CACNA1C: variants seen among roughly 807,000 people sequenced by gnomAD.
CACNA1C encodes voltage-dependent L-type calcium channel subunit alpha-1C.
CACNA1C carries 30 observed loss-of-function variants against 229.0 expected under a neutral mutation model. The observed-to-expected ratio is 0.13, with a 90% CI of 0.10 to 0.18. The LOEUF is 0.18. CACNA1C is among the 10% of genes least tolerant of loss of function. CACNA1C has a pLI of 1.00. For synonymous variants in CACNA1C, 1,114 were observed against 1,132.5 expected (o/e 0.98, Z 0.33); for missense variants, 1,658 against 2,845.0 (o/e 0.58, Z 9.49).
At chr12:2,281,382 T>A (rs1178646497) in intron 3 of CACNA1C, among the ~76,000 whole-genome samples, 1 of 151,992 alleles carries the variant, frequency 6.6e-6, no homozygotes, top group Non-Finnish European at 1.5e-5. Flanking sequence ...CCTTGATTCC[T>A]TTATGTAGAT....
At position 2,429,304 on chromosome 12, in the gene CACNA1C, T is replaced by C. The variant is rs1246321440; in HGVS notation, c.478-19672T>C. 3.3e-5 allele frequency among the ~76,000 whole-genome samples: 5 copies of C among 152,276 alleles called. 1 individual carries two copies. Among genetic ancestry groups the C allele is most frequent in the African/African-American group, 2.4e-5 (1 of 41,560 alleles). On this transcript the variant is annotated intron_variant, in intron 3 of 46. Coordinates refer to ENST00000399655, the MANE Select transcript of CACNA1C (RefSeq NM_000719.7). ...CCTGAGGTCTGGAAAAGACATGTAT[T>C]TGGGGAAGGGAGGATGCTGTTCAAC...
Position 1,971,240 on chromosome 12 carries a change from A to G in CACNA1C, c.139+39A>G. ...AAGTGAAATAAAGAGTAGGAAGAACATGTTGAAATTTACTCTAAATATCCT... is the reference window on the plus strand; with the variant it reads ...AAGTGAAATAAAGAGTAGGAAGAACGTGTTGAAATTTACTCTAAATATCCT... On this transcript the variant is annotated intron_variant, in intron 1 of 46. Coordinates refer to the CACNA1C transcript ENST00000682462. The surrounding 1 kb of genome is among the most constrained non-coding windows in gnomAD (Gnocchi z 4.2). 8.4e-7 allele frequency: 1 copy of G among 1,185,836 alleles called. No homozygotes were observed. Among genetic ancestry groups the G allele is most frequent in the Non-Finnish European group, 1.1e-6 (1 of 897,196 alleles). 73.5% of individuals were successfully genotyped at this position (1,185,836 alleles called of 1,614,324 possible).
chr12:2,521,902 A>G (rs2154580639), intron 9 of CACNA1C, among the ~76,000 whole-genome samples: 1 of 152,362 alleles, frequency 6.6e-6, no homozygotes, highest in Non-Finnish European at 1.5e-5. Context: ...CCATGGGTAC[A>G]GAATAAAGCC....
At chr12:2,509,194 C>T (rs187960844) in intron 8 of CACNA1C, among the ~76,000 whole-genome samples, 25 of 152,264 alleles carry the variant, frequency 1.6e-4, no homozygotes, top group Middle Eastern at 3.4e-3. Flanking sequence ...CAGGAAGTAT[C>T]GCTGGACCAT....
intron 5 of CACNA1C, among the ~76,000 whole-genome samples, chr12:2,470,613 GC>G (rs1473122139): frequency 6.6e-6 from 1 of 152,174 alleles, no homozygotes; most frequent in Non-Finnish European, 1.5e-5. Flanking sequence ...TTAGCTGTGT[GC>G]CTCGATTTCC....
chr12:2,685,857 C>T lies in CACNA1C; in HGVS notation c.5680+15C>T, dbSNP rs114036394. 3.1e-3 allele frequency: 4,913 copies of T among 1,574,522 alleles called. 60 individuals carry two copies. In the African/African-American group the frequency reaches 0.06, roughly 19 times the overall value. ...TGCCTCACTAGGTAAATGCACCGCT[C>T]GCTCTCTGGATGTGGTCGGCGGTTA... is the stretch of plus-strand genomic sequence containing the variant. On this transcript the variant is annotated intron_variant, in intron 44 of 46. Coordinates refer to ENST00000399655, the MANE Select transcript of CACNA1C (RefSeq NM_000719.7).
chr12:2,007,248 C>T lies in CACNA1C; in HGVS notation c.139+36047C>T, dbSNP rs142836377. 1.3e-5 allele frequency among the ~76,000 whole-genome samples: 2 copies of T among 152,294 alleles called. 1 individual carries two copies. Among genetic ancestry groups the T allele is most frequent in the African/African-American group, 4.8e-5 (2 of 41,558 alleles). ...TGTTTTTCTTTTGTCTGTTAAGTTCCATGATCCTTACACAGATCATTGTCC... is the reference window on the plus strand; with the variant it reads ...TGTTTTTCTTTTGTCTGTTAAGTTCTATGATCCTTACACAGATCATTGTCC... On this transcript the variant is annotated intron_variant, in intron 1 of 46. Transcript: ENST00000682462.
chr12:2,625,525 C>A (rs1194170683), intron 29 of CACNA1C, among the ~76,000 whole-genome samples: 6 of 152,156 alleles, frequency 3.9e-5, no homozygotes, highest in Non-Finnish European at 8.8e-5. Context: ...GTGACACAGG[C>A]TGCGGGCAGT....
chr12:2,417,598 G>C (rs1251033373), intron 3 of CACNA1C, among the ~76,000 whole-genome samples: 1 of 152,158 alleles, frequency 6.6e-6, no homozygotes. Context: ...CTGGCTGCAA[G>C]GTGGTCCAGG....
intron 3 of CACNA1C, among the ~76,000 whole-genome samples, chr12:2,371,424 G>A (rs1176146603): frequency 1.3e-5 from 2 of 152,160 alleles, no homozygotes; most frequent in African/African-American, 2.4e-5. Context: ...TTTGGCCATT[G>A]GTTTTCAACC....
intron 3 of CACNA1C, among the ~76,000 whole-genome samples, chr12:2,244,130 G>A (rs1396460014): frequency 6.6e-6 from 1 of 152,218 alleles, no homozygotes; most frequent in Non-Finnish European, 1.5e-5. Context: ...TGCTGCTCTT[G>A]GCTCAGATTC....
chr12:2,085,649 TG>T (rs1337261514), intron 1 of CACNA1C, among the ~76,000 whole-genome samples: 3 of 152,202 alleles, frequency 2.0e-5, no homozygotes, highest in Non-Finnish European at 4.4e-5. Context: ...TGATCCGTCT[TG>T]CCTATACAAC....
chr12:2,677,628 G>A lies in CACNA1C; in HGVS notation c.4957-105G>A. 7.6e-7 allele frequency: 1 copy of A among 1,311,834 alleles called. No individual in the cohort carries two copies. The highest frequency in any genetic ancestry group is 1.1e-6 in the Non-Finnish European group (1 of 941,596). The allele number at this position is 1,311,834 out of a possible 1,614,324, so 81.3% of individuals were successfully genotyped here. A position where few individuals can be genotyped will look rare whatever the true frequency, so the allele number is the denominator to read the frequency against. On this transcript the variant is annotated intron_variant, in intron 40 of 46. Transcript: ENST00000399655. The surrounding 1 kb of genome is among the most constrained non-coding windows in gnomAD (Gnocchi z 7.4). Reference sequence around the variant, plus strand: ...CGGAGGGTCGACTGGCTGGGTGGAGGATGCCAGGGCCCTGGAGGGACAGGT... The same window carrying A: ...CGGAGGGTCGACTGGCTGGGTGGAGAATGCCAGGGCCCTGGAGGGACAGGT...
intron 3 of CACNA1C, among the ~76,000 whole-genome samples, chr12:2,380,507 G>A (rs893521840): frequency 6.6e-6 from 1 of 152,192 alleles, no homozygotes; most frequent in Non-Finnish European, 1.5e-5. Context: ...GTTGCTCTCT[G>A]TCTGCAGCTG....
intron 3 of CACNA1C, among the ~76,000 whole-genome samples, chr12:2,372,717 G>A (rs1193563179): frequency 2.0e-5 from 3 of 151,794 alleles, no homozygotes; most frequent in Admixed American, 6.6e-5. Flanking sequence ...AATCCCTATC[G>A]CCTCCCTTTC....
chr12:2,641,341 C>G (rs142215525), intron 30 of CACNA1C: 2 of 182,714 alleles, frequency 1.1e-5, no homozygotes, highest in Non-Finnish European at 2.3e-5. Context: ...GCAAGCTGAC[C>G]GGAACTCCCG....
intron 3 of CACNA1C, chr12:2,222,353 C>A (rs1196733884): frequency 1.3e-5 from 2 of 152,068 alleles, no homozygotes; most frequent in African/African-American, 4.8e-5. Flanking sequence ...GGAGTCCCAG[C>A]TCAGCCATTC....
chr12:2,297,576 G>A (rs1219941326), intron 3 of CACNA1C, among the ~76,000 whole-genome samples: 1 of 152,200 alleles, frequency 6.6e-6, no homozygotes, highest in Non-Finnish European at 1.5e-5. Flanking sequence ...ACGCCCAGGT[G>A]TGTATTTTCC....
chr12:2,053,387 A>G lies in CACNA1C; in HGVS notation c.-176A>G. 1.4e-6 allele frequency: 2 copies of G among 1,392,486 alleles called. No individual in the cohort carries two copies. Among genetic ancestry groups the G allele is most frequent in the South Asian group, 1.7e-5 (1 of 58,656 alleles). 86.3% of individuals were successfully genotyped at this position (1,392,486 alleles called of 1,614,324 possible). A position where few individuals can be genotyped will look rare whatever the true frequency, so the allele number is the denominator to read the frequency against. On this transcript the variant is annotated 5_prime_UTR_variant, in exon 1 of 47. The change creates a new upstream start codon in the 5' untranslated region. Coordinates refer to ENST00000399655, the MANE Select transcript of CACNA1C (RefSeq NM_000719.7). The surrounding 1 kb of genome is among the most constrained non-coding windows in gnomAD (Gnocchi z 5.8). ...AGCAGTTTTTGGGGTTTGATGCCAT[A>G]ATGGGAATCAGGTAATCGTCGGCGG...
Sources: allele counts gnomAD v4.1 joint callset (sites outside exome capture counted in the v4.1 genomes callset), GRCh38; gene constraint gnomAD v4.1.1; non-coding constraint Gnocchi (gnomAD v3.1); transcripts MANE v1.5; gene names NCBI Gene and HGNC (gene_info 2026-07-23, HGNC 2026-07-21).